Variants in STAU2 observed in about 807,000 individuals in gnomAD.
STAU2 encodes double-stranded RNA-binding protein Staufen homolog 2.
Under a neutral mutation model 65.9 loss-of-function variants are expected in STAU2, and 20 were observed. The observed-to-expected ratio is 0.30, with a 90% CI of 0.21 to 0.44. The LOEUF (loss-of-function observed/expected upper bound fraction) is 0.44, where lower values mean the gene tolerates loss of function less well. STAU2 is among the 20% of genes least tolerant of loss of function. The pLI is 1.00. For missense variants in STAU2, 558 were observed against 683.9 expected, an observed-to-expected ratio of 0.82 and a Z score of 2.05; for synonymous variants, 232 against 233.9, an observed-to-expected ratio of 0.99 and a Z score of 0.07.
chr8:73,655,730 G>A (rs1249205348), intron 6 of STAU2, among the ~76,000 whole-genome samples: 1 of 137,008 alleles, frequency 7.3e-6, no homozygotes, highest in Non-Finnish European at 1.5e-5. Flanking sequence ...CTCACTGCAA[G>A]CTCCACCTCC....
chr8:73,707,147 G>A (rs1345440517), intron 4 of STAU2, among the ~76,000 whole-genome samples: 1 of 152,180 alleles, frequency 6.6e-6, no homozygotes, highest in Admixed American at 6.5e-5. Flanking sequence ...GAGGAGCTGG[G>A]CAAGTCAGCT....
intron 13 of STAU2, among the ~76,000 whole-genome samples, chr8:73,518,000 A>C (rs951914602): frequency 2.0e-5 from 3 of 152,240 alleles, no homozygotes; most frequent in African/African-American, 7.2e-5. Flanking sequence ...AAATGAAAAA[A>C]GTGAAAGATC....
At chr8:73,577,460 C>T (rs1427606814) in intron 12 of STAU2, among the ~76,000 whole-genome samples, 1 of 146,948 alleles carries the variant, frequency 6.8e-6, no homozygotes, top group Non-Finnish European at 1.5e-5. Context: ...TATATATACA[C>T]ACACATATAT....
chr8:73,661,830 A>G (rs1461327851), intron 6 of STAU2, among the ~76,000 whole-genome samples: 1 of 152,194 alleles, frequency 6.6e-6, no homozygotes, highest in Non-Finnish European at 1.5e-5. Flanking sequence ...GTAACCATTT[A>G]CCTAGTGGTA....
intron 9 of STAU2, among the ~76,000 whole-genome samples, chr8:73,608,249 G>A (rs1013329082): frequency 6.6e-6 from 1 of 152,142 alleles, no homozygotes; most frequent in Admixed American, 6.6e-5. Context: ...CAGGTTAATA[G>A]ATGTCTGTGA....
chr8:73,687,201 A>C (rs1818911422), intron 5 of STAU2, among the ~76,000 whole-genome samples: 1 of 129,106 alleles, frequency 7.7e-6, no homozygotes, highest in Non-Finnish European at 1.6e-5. Context: ...ATATATTATA[A>C]ATTTTTTAAT....
At chr8:73,512,369 T>C (rs1822454392) in intron 13 of STAU2, among the ~76,000 whole-genome samples, 1 of 152,220 alleles carries the variant, frequency 6.6e-6, no homozygotes, top group African/African-American at 2.4e-5. Flanking sequence ...TAAAGGTTCA[T>C]CTAATCCATG....
chr8:73,544,531 G>A (rs1445393143), intron 13 of STAU2, among the ~76,000 whole-genome samples: 1 of 152,070 alleles, frequency 6.6e-6, no homozygotes, highest in Admixed American at 6.5e-5. Flanking sequence ...AAAACACCAT[G>A]CCCTTTTATG....
At chr8:73,649,793 T>G (rs538166867) in intron 6 of STAU2, among the ~76,000 whole-genome samples, 21 of 148,982 alleles carry the variant, frequency 1.4e-4, no homozygotes, top group African/African-American at 4.9e-4. Context: ...TTAGATATCT[T>G]TGAGAGCACA....
Position 73,613,812 on chromosome 8 carries a change from G to A in STAU2, c.823C>T (p.Leu275Phe), listed in dbSNP as rs955106143. 3 of 1,613,554 alleles carry A rather than the reference G, an allele frequency of 1.9e-6. No individual in the cohort carries two copies. The highest frequency in any genetic ancestry group is 2.5e-6 in the Non-Finnish European group (3 of 1,179,784). Reference sequence around the variant, plus strand: ...TTTTCCACCACAGGAAGAGGTGGAAGTTTTTTAAGCTCCTGTAAGACGGTG... The same window carrying A: ...TTTTCCACCACAGGAAGAGGTGGAAATTTTTTAAGCTCCTGTAAGACGGTG... ...ATTVLQELKK[L>F]PPLPVVEKPK... The change falls in exon 9 of 15, where the codon CTT becomes TTT. Residue 275 changes from leucine to phenylalanine, a missense_variant. By Grantham distance (22) the Leu-to-Phe change is conservative. Around this residue, in one of 3 missense-constraint regions of STAU2, gnomAD observed 199 missense variants for 299.5 expected, o/e 0.66. Transcript: ENST00000524300.
chr8:73,690,664 A>G (rs929820304), intron 4 of STAU2, among the ~76,000 whole-genome samples: 1 of 152,220 alleles, frequency 6.6e-6, no homozygotes, highest in African/African-American at 2.4e-5. Context: ...GGAGCAAGAA[A>G]TAAAGTAATG....
intron 9 of STAU2, among the ~76,000 whole-genome samples, chr8:73,605,162 T>C (rs1297433164): frequency 1.3e-5 from 2 of 151,798 alleles, no homozygotes; most frequent in African/African-American, 4.9e-5. Context: ...GAATAATATA[T>C]ATATAGTATA....
intron 6 of STAU2, among the ~76,000 whole-genome samples, chr8:73,643,806 C>A (rs988857086): frequency 1.3e-5 from 2 of 152,130 alleles, no homozygotes; most frequent in Non-Finnish European, 2.9e-5. Flanking sequence ...ATTACTACAG[C>A]AGAATACTAT....
intron 3 of STAU2, among the ~76,000 whole-genome samples, chr8:73,720,499 CT>C (rs1174035145): frequency 1.8e-3 from 70 of 39,076 alleles, no homozygotes; most frequent in South Asian, 2.2e-3. Context: ...AAAATACTTT[CT>C]TTTTTTTTTT....
chr8:73,651,946 T>C (rs1339154793), intron 6 of STAU2, among the ~76,000 whole-genome samples: 1 of 152,228 alleles, frequency 6.6e-6, no homozygotes, highest in Non-Finnish European at 1.5e-5. Flanking sequence ...ATATATTTAT[T>C]AAAGCCACCT....
intron 9 of STAU2, among the ~76,000 whole-genome samples, chr8:73,605,850 C>CACACACACACACACATACAT (rs1811975881): frequency 4.2e-5 from 2 of 47,586 alleles, no homozygotes; most frequent in Non-Finnish European, 4.3e-5. Flanking sequence ...CATACACACA[C>CACACACACACACACATACAT]ACACACACAC....
At chr8:73,573,218 G>A (rs529010904) in intron 12 of STAU2, among the ~76,000 whole-genome samples, 1 of 152,294 alleles carries the variant, frequency 6.6e-6, no homozygotes, top group East Asian at 1.9e-4. Context: ...CCTCTTCAAG[G>A]AGAACTACAA....
intron 13 of STAU2, among the ~76,000 whole-genome samples, chr8:73,460,607 G>C (rs977246727): frequency 2.6e-5 from 4 of 152,156 alleles, no homozygotes; most frequent in African/African-American, 7.2e-5. Context: ...CTAAGGCTCT[G>C]AGTACTCTTA....
chr8:73,465,397 A>C (rs2128902249), intron 13 of STAU2, among the ~76,000 whole-genome samples: 1 of 152,360 alleles, frequency 6.6e-6, no homozygotes, highest in South Asian at 2.1e-4. Context: ...TTTAATAGGA[A>C]TGTTTTTGAC....
Sources: allele counts gnomAD v4.1 joint callset (sites outside exome capture counted in the v4.1 genomes callset), GRCh38; gene constraint gnomAD v4.1.1; regional missense constraint gnomAD v4.1.1; transcripts MANE v1.5; gene names NCBI Gene and HGNC (gene_info 2026-07-23, HGNC 2026-07-21).